The following ZNF736 variants were observed in gnomAD, a reference collection of about 807,000 sequenced individuals.
ZNF736 encodes KRAB-containing zinc-finger repressor protein.
Under a neutral mutation model 11.7 loss-of-function variants are expected in ZNF736, and 6 were observed. The ratio of observed to expected loss-of-function variants is 0.51; its 90% CI spans 0.28 to 1.01. The LOEUF (loss-of-function observed/expected upper bound fraction) is 1.01, where lower values mean the gene tolerates loss of function less well. Among genes scored for constraint, ZNF736 ranks in the 50% least tolerant of loss-of-function variants. ZNF736 has a pLI of 0.09. For missense variants in ZNF736, 444 were observed against 496.0 expected (o/e 0.90, Z 1.00); for synonymous variants, 139 against 164.7 (o/e 0.84, Z 1.19).
intron 1 of ZNF736, among the ~76,000 whole-genome samples, chr7:64,328,423 T>C (rs895435823): frequency 1.3e-5 from 2 of 150,900 alleles, no homozygotes; most frequent in African/African-American, 4.8e-5. Context: ...CTCTGCTGCT[T>C]TTAGAATCCT....
In ZNF736 at chr7:64,349,012, C is replaced by G; in HGVS notation, c.1149C>G (p.Asp383Glu). Residue 383 changes from aspartate to glutamate, a missense_variant, in exon 4 of 4, where the codon GAC becomes GAG. Coordinates refer to ENST00000423484, the MANE Select transcript of ZNF736 (RefSeq NM_001170905.3). The part of the protein sequence containing the change: ...ECSKTFKCFS[D>E]LTNHKRIHTG... ...GCAAAACCTTTAAGTGCTTCTCAGA[C>G]CTGACTAATCATAAGAGAATTCACA... 1.3e-6 allele frequency: 2 copies of G among 1,599,184 alleles called. No individual in the cohort carries two copies. Among genetic ancestry groups the G allele is most frequent in the Non-Finnish European group, 1.7e-6 (2 of 1,172,314 alleles).
intron 3 of ZNF736, among the ~76,000 whole-genome samples, chr7:64,339,777 T>C (rs1270639052): frequency 3.7e-5 from 5 of 136,872 alleles, no homozygotes; most frequent in Non-Finnish European, 8.2e-5. Flanking sequence ...GTGTTTCTTG[T>C]AATTCCATAT....
chr7:64,315,150 C>T (rs889280747), intron 1 of ZNF736, among the ~76,000 whole-genome samples: 14 of 152,306 alleles, frequency 9.2e-5, no homozygotes, highest in Admixed American at 9.2e-4. Flanking sequence ...TGGGTGGGGC[C>T]TCCCCAGAAG....
intron 1 of ZNF736, among the ~76,000 whole-genome samples, chr7:64,333,649 A>C (rs1244006743): frequency 9.6e-6 from 1 of 103,780 alleles, no homozygotes; most frequent in African/African-American, 5.0e-5. Context: ...GTAAAAGAGG[A>C]CACAAATGGA....
intron 1 of ZNF736, among the ~76,000 whole-genome samples, chr7:64,324,228 A>G (rs1248857272): frequency 6.6e-6 from 1 of 152,182 alleles, no homozygotes; most frequent in Non-Finnish European, 1.5e-5. Context: ...TCAAAAGAAA[A>G]TGGAGTTGTT....
chr7:64,317,468 TAGAG>T (rs994354819), intron 1 of ZNF736, among the ~76,000 whole-genome samples: 10 of 152,244 alleles, frequency 6.6e-5, no homozygotes, highest in African/African-American at 1.9e-4. Context: ...GTGGAAAAGT[TAGAG>T]AGAATTTGTC....
rs185856852 is a variant in ZNF736, at chr7:64,350,224, C to T, written c.*1077C>T. On this transcript the variant is annotated 3_prime_UTR_variant, in exon 4 of 4. Transcript: ENST00000423484. ...CATAGATTTGGTTTCTTTACATAAT[C>T]CCATATTTCTTAGAGGTTTTGTTCA... 5.6e-4 allele frequency: 85 copies of T among 152,268 alleles called. No individual in the cohort carries two copies. Among genetic ancestry groups the T allele is most frequent in the African/African-American group, 1.9e-3 (78 of 41,550 alleles). 9.4% of individuals were successfully genotyped at this position (152,268 alleles called of 1,614,324 possible). A position where few individuals can be genotyped will look rare whatever the true frequency, so the allele number is the denominator to read the frequency against.
intron 3 of ZNF736, among the ~76,000 whole-genome samples, chr7:64,338,039 G>T (rs1213120925): frequency 6.6e-6 from 1 of 152,186 alleles, no homozygotes; most frequent in African/African-American, 2.4e-5. Flanking sequence ...ATAGGTATGA[G>T]CCACTGTGCC....
At chr7:64,317,218 G>A (rs911210309) in intron 1 of ZNF736, among the ~76,000 whole-genome samples, 1 of 152,068 alleles carries the variant, frequency 6.6e-6, no homozygotes, top group Admixed American at 6.5e-5. Context: ...TAGTATAATC[G>A]TAGCCAGTGA....
At chr7:64,318,600 G>T (rs1026914425) in intron 1 of ZNF736, among the ~76,000 whole-genome samples, 3 of 151,940 alleles carry the variant, frequency 2.0e-5, no homozygotes, top group South Asian at 2.1e-4. Context: ...GAAGTCAAAA[G>T]ACTTTTTTAA....
chr7:64,335,064 G>A (rs1307706188), intron 1 of ZNF736, among the ~76,000 whole-genome samples: 1 of 152,116 alleles, frequency 6.6e-6, no homozygotes, highest in African/African-American at 2.4e-5. Context: ...AACACCGCAT[G>A]TTCTCACTCA....
Position 64,348,472 on chromosome 7 carries a change from T to A in ZNF736, c.609T>A (p.Cys203Ter). The A allele has an allele frequency of 6.4e-7, 1 of 1,553,232 alleles. No individual in the cohort carries two copies. The highest frequency in any genetic ancestry group is 8.7e-7 in the Non-Finnish European group (1 of 1,148,676). Residue 203 changes from cysteine to a stop codon, truncating the protein, a stop_gained, in exon 4 of 4, where the codon TGT (cysteine) becomes TGA (stop). Transcript: ENST00000423484. LOFTEE classifies it low-confidence loss of function (END_TRUNC). Reference sequence around the variant, plus strand: ...ATACTGTAGAGAGATGCTACAAATGTGAAGAATGTGGCAAAGCGTTTAAAA... The same window carrying A: ...ATACTGTAGAGAGATGCTACAAATGAGAAGAATGTGGCAAAGCGTTTAAAA... Reference protein sequence around the residue: ...KIHTVERCYKCEECGKAFKKF... With the variant: ...KIHTVERCYK
chr7:64,350,194 T>A lies in ZNF736; in HGVS notation c.*1047T>A, dbSNP rs1789467193. Reference sequence around the variant, plus strand: ...TCCCCATCACTTTCAGGCAATCTCTTGCATCATAGATTTGGTTTCTTTACA... The same window carrying A: ...TCCCCATCACTTTCAGGCAATCTCTAGCATCATAGATTTGGTTTCTTTACA... On this transcript the variant is annotated 3_prime_UTR_variant, in exon 4 of 4. Coordinates refer to ENST00000423484, the MANE Select transcript of ZNF736 (RefSeq NM_001170905.3). 1 of 152,186 alleles carries A rather than the reference T, an allele frequency of 6.6e-6. No homozygotes were observed. Among genetic ancestry groups the A allele is most frequent in the African/African-American group, 2.4e-5 (1 of 41,450 alleles). 9.4% of individuals were successfully genotyped at this position (152,186 alleles called of 1,614,324 possible). A position where few individuals can be genotyped will look rare whatever the true frequency, so the allele number is the denominator to read the frequency against.
rs1789536837 is a variant in ZNF736 at position 64,355,127 on chromosome 7, A to AGT, written c.*5982_*5983dup. ...AGAGATGGACATTTTAGCAAAACTA[A>AGT]GTGAAAACCTTGTAAAATTTTCAGA... On this transcript the variant is annotated 3_prime_UTR_variant, in exon 4 of 4. Coordinates refer to ENST00000423484, the MANE Select transcript of ZNF736 (RefSeq NM_001170905.3). 1 of 155,086 alleles carries AGT rather than the reference A, an allele frequency of 6.4e-6. No homozygotes were observed. The highest frequency in any genetic ancestry group is 1.5e-5 in the Non-Finnish European group (1 of 68,104). 9.6% of individuals were successfully genotyped at this position (155,086 alleles called of 1,614,324 possible).
intron 1 of ZNF736, among the ~76,000 whole-genome samples, chr7:64,315,829 A>C (rs11772788): frequency 0.34 from 51,585 of 152,026 alleles, 9,439 homozygotes; most frequent in African/African-American, 0.49. Context: ...TCCAAATCAC[A>C]TTATGAACTA....
At chr7:64,323,648 A>G (rs138249787) in intron 1 of ZNF736, among the ~76,000 whole-genome samples, 84 of 152,288 alleles carry the variant, frequency 5.5e-4, no homozygotes, top group East Asian at 9.7e-4. Context: ...ACAGAAACCC[A>G]AACGCTGCAT....
intron 3 of ZNF736, among the ~76,000 whole-genome samples, chr7:64,342,760 A>T (rs1319497180): frequency 6.6e-6 from 1 of 152,126 alleles, no homozygotes; most frequent in Non-Finnish European, 1.5e-5. Flanking sequence ...TAGGCACACC[A>T]TATATTATAA....
At chr7:64,339,870 A>T (rs765078047) in intron 3 of ZNF736, among the ~76,000 whole-genome samples, 1 of 152,156 alleles carries the variant, frequency 6.6e-6, no homozygotes, top group Non-Finnish European at 1.5e-5. Flanking sequence ...AAATTTTCCA[A>T]TTTTATAAAC....
chr7:64,344,484 T>C (rs1789382353), intron 3 of ZNF736, among the ~76,000 whole-genome samples: 1 of 152,162 alleles, frequency 6.6e-6, no homozygotes, highest in Non-Finnish European at 1.5e-5. Flanking sequence ...CAAACATCAT[T>C]CTATTTTCTG....
Sources: allele counts gnomAD v4.1 joint callset (sites outside exome capture counted in the v4.1 genomes callset), GRCh38; gene constraint gnomAD v4.1.1; transcripts MANE v1.5; gene names NCBI Gene and HGNC (gene_info 2026-07-23, HGNC 2026-07-21).